MAP2K4: variants seen among roughly 807,000 people sequenced by gnomAD.
MAP2K4 encodes the protein dual specificity mitogen-activated protein kinase kinase 4.
Under a neutral mutation model 48.5 loss-of-function variants are expected in MAP2K4, and 4 were observed. That is an observed-to-expected ratio of 0.08 (90% CI 0.04 to 0.19). MAP2K4 has a LOEUF of 0.19. MAP2K4 is among the 10% of genes least tolerant of loss of function. The pLI is 1.00. For missense variants in MAP2K4, 258 were observed against 493.3 expected (o/e 0.52, Z 4.52); for synonymous variants, 166 against 173.1 (o/e 0.96, Z 0.32).
intron 2 of MAP2K4, among the ~76,000 whole-genome samples, chr17:12,077,785 A>G (rs188628888): frequency 1.8e-3 from 277 of 152,326 alleles, no homozygotes; most frequent in Non-Finnish European, 3.0e-3. Context: ...CTTAAACAAC[A>G]TAATTTATTT....
At chr17:12,118,097 A>G (rs1333269493) in intron 7 of MAP2K4, among the ~76,000 whole-genome samples, 1 of 152,208 alleles carries the variant, frequency 6.6e-6, no homozygotes, top group Non-Finnish European at 1.5e-5. Flanking sequence ...AAAACATAGC[A>G]TTAACTTTTT....
At chr17:12,133,222 C>T (rs1382625276) in intron 9 of MAP2K4, among the ~76,000 whole-genome samples, 1 of 152,152 alleles carries the variant, frequency 6.6e-6, no homozygotes, top group Non-Finnish European at 1.5e-5. Context: ...GCTGGGACTA[C>T]AGGCTCATGC....
chr17:12,091,175 A>G (rs543206164), intron 3 of MAP2K4, among the ~76,000 whole-genome samples: 16 of 152,338 alleles, frequency 1.1e-4, no homozygotes, highest in African/African-American at 3.6e-4. Context: ...GTTGTTAAAA[A>G]TGGAGGCATT....
intron 4 of MAP2K4, among the ~76,000 whole-genome samples, chr17:12,096,633 T>C (rs1409383643): frequency 6.6e-6 from 1 of 152,192 alleles, no homozygotes; most frequent in Non-Finnish European, 1.5e-5. Flanking sequence ...CCTGCTCTCT[T>C]CTTTTTGGGA....
chr17:12,065,584 G>A (rs925779870), intron 2 of MAP2K4, among the ~76,000 whole-genome samples: 1 of 151,994 alleles, frequency 6.6e-6, no homozygotes. Context: ...GCAGGCATGA[G>A]CCACTGCGCC....
chr17:12,049,034 A>G (rs547269401), intron 1 of MAP2K4, among the ~76,000 whole-genome samples: 1 of 152,220 alleles, frequency 6.6e-6, no homozygotes, highest in Non-Finnish European at 1.5e-5. Flanking sequence ...AAAGAGAATG[A>G]AAGTAAGTTC....
chr17:12,021,734 G>GAAAAAAA (rs896882494), intron 1 of MAP2K4, among the ~76,000 whole-genome samples: 1 of 99,960 alleles, frequency 1.0e-5, no homozygotes, highest in African/African-American at 4.0e-5. Flanking sequence ...CGTGCAGGAA[G>GAAAAAAA]AAAAAAAAAA....
intron 1 of MAP2K4, among the ~76,000 whole-genome samples, chr17:12,039,599 CTT>C (rs1473987151): frequency 6.6e-6 from 1 of 152,136 alleles, no homozygotes; most frequent in Non-Finnish European, 1.5e-5. Flanking sequence ...GATAAGGACT[CTT>C]AAGTACATAA....
At chr17:12,135,110 C>T (rs1180013016) in intron 9 of MAP2K4, among the ~76,000 whole-genome samples, 3 of 151,986 alleles carry the variant, frequency 2.0e-5, no homozygotes, top group African/African-American at 4.8e-5. Context: ...TGTTTTGAGA[C>T]GGACTTTTGC....
intron 2 of MAP2K4, among the ~76,000 whole-genome samples, chr17:12,071,609 G>A (rs568210762): frequency 6.6e-6 from 1 of 152,142 alleles, no homozygotes; most frequent in South Asian, 2.1e-4. Flanking sequence ...ACAACAAAAT[G>A]AATTTGAAAT....
At chr17:12,124,876 C>T (rs1337574884) in intron 7 of MAP2K4, 5 of 161,836 alleles carry the variant, frequency 3.1e-5, no homozygotes, top group East Asian at 3.4e-4. Flanking sequence ...GGGGTTTCAC[C>T]GTGTTAGCCA....
intron 3 of MAP2K4, among the ~76,000 whole-genome samples, chr17:12,083,554 G>T (rs1438860322): frequency 1.3e-5 from 2 of 152,194 alleles, no homozygotes; most frequent in Admixed American, 1.3e-4. Context: ...GGATGGGAGA[G>T]GATGGCAGTA....
chr17:12,031,024 T>A lies in MAP2K4; in HGVS notation c.115+10023T>A, dbSNP rs111234880. On this transcript the variant is annotated intron_variant, in intron 1 of 10. Transcript: ENST00000353533. ...CTTGTAAGACCCATACATCTCTGTT[T>A]TTCTTTCTGAATTCTGTTCCCACTG... 8.5e-3 allele frequency among the ~76,000 whole-genome samples: 1,294 copies of A among 152,276 alleles called. 23 individuals are homozygous for A. Among genetic ancestry groups the A allele is most frequent in the African/African-American group, 0.029 (1,223 of 41,538 alleles).
chr17:12,028,869 C>T (rs1598015846), intron 1 of MAP2K4, among the ~76,000 whole-genome samples: 1 of 152,026 alleles, frequency 6.6e-6, no homozygotes, highest in East Asian at 1.9e-4. Context: ...CTCATAATGG[C>T]CATTACACAA....
At chr17:12,062,709 C>T (rs1042176272) in intron 2 of MAP2K4, among the ~76,000 whole-genome samples, 4 of 152,112 alleles carry the variant, frequency 2.6e-5, no homozygotes, top group Admixed American at 1.3e-4. Context: ...AAATTTTTCT[C>T]CAGAATTGTG....
At chr17:12,069,796 A>G (rs1302341154) in intron 2 of MAP2K4, 9 of 785,460 alleles carry the variant, frequency 1.1e-5, no homozygotes, top group Non-Finnish European at 1.6e-5. Context: ...AGCAGTATTC[A>G]TCTAGAGATC....
rs991338612 is a variant in MAP2K4 at position 12,141,757 on chromosome 17, T to G, written c.*497T>G. The G allele has an allele frequency of 4.2e-6, 1 of 236,042 alleles. No homozygotes were observed. Among genetic ancestry groups the G allele is most frequent in the Non-Finnish European group, 8.4e-6 (1 of 119,712 alleles). The allele number at this position is 236,042 out of a possible 1,614,324, so 14.6% of individuals were successfully genotyped here. A position where few individuals can be genotyped will look rare whatever the true frequency, so the allele number is the denominator to read the frequency against. ...CTGGGAGACAAAGGAGGAATTTACTTTCTTCACCAAGTGCAATAGATTACT... is the reference window on the plus strand; with the variant it reads ...CTGGGAGACAAAGGAGGAATTTACTGTCTTCACCAAGTGCAATAGATTACT... On this transcript the variant is annotated 3_prime_UTR_variant, in exon 11 of 11. Coordinates refer to ENST00000353533, the MANE Select transcript of MAP2K4 (RefSeq NM_003010.4).
intron 1 of MAP2K4, among the ~76,000 whole-genome samples, chr17:12,036,821 C>T (rs892912234): frequency 6.6e-6 from 1 of 151,756 alleles, no homozygotes; most frequent in Non-Finnish European, 1.5e-5. Context: ...AGTAGCTAGG[C>T]GTTTGGCAAA....
chr17:12,101,769 T>C (rs926027107), intron 4 of MAP2K4, among the ~76,000 whole-genome samples: 12 of 152,230 alleles, frequency 7.9e-5, no homozygotes, highest in Admixed American at 3.9e-4. Context: ...CCCTTAAGTG[T>C]ATAATATTTT....
Sources: gnomAD v4.1 joint callset for allele counts (sites outside exome capture counted in the v4.1 genomes callset) on GRCh38, gnomAD v4.1.1 for gene constraint, MANE v1.5 for transcripts, NCBI Gene and HGNC (gene_info 2026-07-23, HGNC 2026-07-21) for gene names.